The following PAPLN variants were observed in gnomAD, a reference collection of about 807,000 sequenced individuals.
The protein encoded by PAPLN is papilin.
In PAPLN, 146 loss-of-function variants were observed where a neutral mutation model predicts 159.0. That is an observed-to-expected ratio of 0.92 (90% CI 0.80 to 1.05). The LOEUF is 1.05. Ranked by LOEUF, PAPLN falls within the 50% of genes least tolerant of loss-of-function variation. The pLI, the probability that PAPLN is intolerant of heterozygous loss-of-function variation, is 0.00. For synonymous variants in PAPLN, 734 were observed against 702.9 expected (o/e 1.04, Z -0.70); for missense variants, 1,720 against 1,743.9 (o/e 0.99, Z 0.24).
In PAPLN at chr14:73,259,468, G is replaced by T; in HGVS notation, c.1908G>T (p.Gly636=). The part of the protein sequence containing the change: ...GPHDCRHSPH[G]CCPDGHTASL... Reference sequence around the variant, plus strand: ...ACGACTGCAGACACAGTCCTCACGGGTGCTGCCCCGATGGCCACACGGCAT... The same window carrying T: ...ACGACTGCAGACACAGTCCTCACGGTTGCTGCCCCGATGGCCACACGGCAT... The change falls in exon 16 of 27, where the codon GGG becomes GGT. Residue 636 remains glycine, a synonymous_variant. Transcript: ENST00000644200. 1.2e-6 allele frequency: 2 copies of T among 1,610,148 alleles called. No individual in the cohort carries two copies. The highest frequency in any genetic ancestry group is 1.7e-6 in the Non-Finnish European group (2 of 1,178,652).
At chr14:73,251,919 A>G in intron 9 of PAPLN, 83 bp downstream of exon 9, 1 of 1,545,414 alleles carries the variant, frequency 6.5e-7, no homozygotes, top group Non-Finnish European at 8.7e-7. Context: ...TGGGGGGTTG[A>G]GTGGCTCTGG....
Position 73,272,660 on chromosome 14 carries a change from A to T in PAPLN, c.3833A>T (p.Gln1278Leu). The T allele has an allele frequency of 6.4e-7, 1 of 1,569,542 alleles. No homozygotes were observed. The highest frequency in any genetic ancestry group is 1.7e-4 in the Middle Eastern group (1 of 5,896). The change falls in exon 27 of 27, where the codon CAG becomes CTG. Residue 1278 changes from glutamine (Q) to leucine (L), a missense_variant. Transcript: ENST00000644200. ...RFQPHAQPIW[Q>L] is the part of the protein sequence containing the mutation. ...CAGCCTCACGCTCAGCCCATCTGGC[A>T]GTAGGGATGAAGGCTAGTTCCAGCC...
chr14:73,263,991 C>T (rs1321717348), intron 20 of PAPLN: 92 of 1,492,204 alleles, frequency 6.2e-5, no homozygotes, highest in Admixed American at 3.5e-4. Context: ...TGTGACAGCC[C>T]CCCGACCTCC....
chr14:73,239,717 C>T, intron 1 of PAPLN, 56 bp from the exon 2 acceptor site: 1 of 1,534,836 alleles, frequency 6.5e-7, no homozygotes, highest in Non-Finnish European at 8.7e-7. Flanking sequence ...CTCTCGCCCG[C>T]GCCCAGGACA....
At chr14:73,244,346 T>C (rs779567484) in intron 2 of PAPLN, 23 of 320,298 alleles carry the variant, frequency 7.2e-5, no homozygotes, top group Non-Finnish European at 1.2e-4. Context: ...AAACTGCCCC[T>C]GGCTGTAGGG....
chr14:73,239,958 G>C, intron 2 of PAPLN, 126 bp downstream of exon 2: 1 of 1,424,474 alleles, frequency 7.0e-7, no homozygotes, highest in South Asian at 1.5e-5. Context: ...GGGAGGAGGC[G>C]AGCCCGCACC....
At chr14:73,255,103 GC>G in intron 14 of PAPLN, 85 bp downstream of exon 14, 1 of 1,498,168 alleles carries the variant, frequency 6.7e-7, no homozygotes, top group Non-Finnish European at 9.0e-7. Context: ...CTGCCTCGGG[GC>G]CTCTGCCTGC....
At chr14:73,271,030 G>A (rs993919716) in intron 26 of PAPLN, among the ~76,000 whole-genome samples, 2 of 152,152 alleles carry the variant, frequency 1.3e-5, no homozygotes, top group Non-Finnish European at 2.9e-5. Context: ...TGCTGTTGCT[G>A]TTATTAGTCC....
rs767749158 is a variant in PAPLN at position 73,252,068 on chromosome 14, C to G, written c.894C>G (p.Pro298=). 5 of 1,612,014 alleles carry G rather than the reference C, an allele frequency of 3.1e-6. No individual in the cohort carries two copies. The highest frequency in any genetic ancestry group is 4.2e-6 in the Non-Finnish European group (5 of 1,179,470). ...NPGVHYEYHL[P]LRRPSPGFSW... The stretch of plus-strand genomic sequence containing the variant: ...GTGTGCACTATGAGTACCACCTGCC[C>G]CTGCGCCGCCCCAGCCCCGGCTTCA... The change falls in exon 10 of 27, where the codon CCC becomes CCG. Residue 298 remains proline, a synonymous_variant. Coordinates refer to ENST00000644200, the MANE Select transcript of PAPLN (RefSeq NM_001365906.3).
chr14:73,237,121 G>T (rs957669709), upstream of PAPLN, among the ~76,000 whole-genome samples: 15 of 152,294 alleles, frequency 9.8e-5, no homozygotes, highest in Middle Eastern at 3.4e-3. Flanking sequence ...CAGCGTGTGC[G>T]GAGAAACTCA....
Position 73,246,169 on chromosome 14 carries a change from T to TACAGC in PAPLN, c.329_333dup (p.Ala112ThrfsTer9), listed in dbSNP as rs1339749673. The TACAGC allele has an allele frequency of 2.5e-6, 4 of 1,579,040 alleles. No individual in the cohort carries two copies. In the Admixed American group the frequency reaches 5.6e-5, roughly 22 times the overall value. On this transcript the variant is annotated frameshift_variant, in exon 5 of 27. Coordinates refer to ENST00000644200, the MANE Select transcript of PAPLN (RefSeq NM_001365906.3). LOFTEE classifies it high-confidence loss of function. ...GCGGCGGTATCGGTGGCTGCCCTAC[T>TACAGC]ACAGCGGTGAGCGCGGCCGGGACTC...
chr14:73,251,471 C>A lies in PAPLN; in HGVS notation c.590-15C>A, dbSNP rs753567707. ...GATAGCCCAGCACACCCAGCACCTG[C>A]GTCTCTGCCCCCAGGCTACAACCAG... On this transcript the variant is annotated splice_polypyrimidine_tract_variant and intron_variant, in intron 7 of 26. Transcript: ENST00000644200. The A allele has an allele frequency of 5.6e-6, 9 of 1,601,586 alleles. No individual in the cohort carries two copies. The East Asian group carries it at 2.0e-4, about 36-fold the overall frequency.
intron 16 of PAPLN, 132 bp downstream of exon 16, chr14:73,259,677 T>C (rs2293801): frequency 0.17 from 204,924 of 1,207,026 alleles, 18,034 homozygotes; most frequent in Middle Eastern, 0.21. Flanking sequence ...ATGCCCAAGC[T>C]TTCCTCCCTG....
At chr14:73,263,438 T>C in intron 19 of PAPLN, 1 of 628,582 alleles carries the variant, frequency 1.6e-6, no homozygotes, top group Non-Finnish European at 2.8e-6. Context: ...GAGGCAGTGA[T>C]GCTTGGGGGA....
Position 73,263,729 on chromosome 14 carries a change from C to T in PAPLN, c.2808C>T (p.Ala936=). The change falls in exon 20 of 27, where the codon GCC becomes GCT. Residue 936 remains alanine (A), a synonymous_variant. Transcript: ENST00000644200. The part of the protein sequence containing the change: ...LVRLSCSDDT[A]PESQAAWQKD... Reference sequence around the variant, plus strand: ...GGCTCTCCTGCTCAGACGACACTGCCCCGGAATCCCAGGCTGCCTGGCAGA... The same window carrying T: ...GGCTCTCCTGCTCAGACGACACTGCTCCGGAATCCCAGGCTGCCTGGCAGA... 4.3e-6 allele frequency: 7 copies of T among 1,610,846 alleles called. No individual in the cohort carries two copies. Among genetic ancestry groups the T allele is most frequent in the Non-Finnish European group, 5.9e-6 (7 of 1,179,980 alleles).
intron 19 of PAPLN, chr14:73,263,444 G>T: frequency 3.1e-6 from 2 of 638,922 alleles, no homozygotes; most frequent in South Asian, 3.8e-5. Flanking sequence ...GTGATGCTTG[G>T]GGGAGCCGGG....
At chr14:73,260,991 G>A (rs1221274134) in intron 17 of PAPLN, among the ~76,000 whole-genome samples, 162 bp downstream of exon 17, 6 of 152,180 alleles carry the variant, frequency 3.9e-5, no homozygotes, top group Admixed American at 3.9e-4. Context: ...TTCAAAGATG[G>A]GCCTGGGGTG....
chr14:73,260,052 C>T (rs182542663), intron 16 of PAPLN, among the ~76,000 whole-genome samples: 1 of 152,310 alleles, frequency 6.6e-6, no homozygotes, highest in Admixed American at 6.5e-5. Context: ...AGACCAGGTG[C>T]TTCTGGGCCC....
chr14:73,258,355 C>T (rs1886161781), intron 14 of PAPLN, among the ~76,000 whole-genome samples: 1 of 152,112 alleles, frequency 6.6e-6, no homozygotes, highest in Admixed American at 6.5e-5. Context: ...GTTCTTTACC[C>T]ACTTTTTAAT....
Sources: gnomAD v4.1 joint callset for allele counts (sites outside exome capture counted in the v4.1 genomes callset) on GRCh38, gnomAD v4.1.1 for gene constraint, MANE v1.5 for transcripts, NCBI Gene and HGNC (gene_info 2026-07-23, HGNC 2026-07-21) for gene names.